Variants in TMEM163 observed in about 807,000 individuals in gnomAD.
TMEM163 encodes transmembrane protein 163.
A neutral mutation model predicts 29.3 loss-of-function variants in TMEM163; 17 were observed. That is an observed-to-expected ratio of 0.58 (90% confidence interval 0.40 to 0.87). The LOEUF is 0.87. Among genes scored for constraint, TMEM163 ranks in the 40% least tolerant of loss-of-function variants. TMEM163 has a pLI of 0.00. For missense variants in TMEM163, 303 were observed against 381.5 expected (o/e 0.79, Z 1.71); for synonymous variants, 157 against 160.6 (o/e 0.98, Z 0.17).
intron 5 of TMEM163, chr2:134,469,677 G>C (rs1208841804): frequency 1.3e-5 from 2 of 152,314 alleles, no homozygotes; most frequent in African/African-American, 4.8e-5. Context: ...GAGAGGGGCC[G>C]CACCGAGCCC....
At chr2:134,638,050 A>G (rs1483591170) in intron 2 of TMEM163, among the ~76,000 whole-genome samples, 1 of 152,360 alleles carries the variant, frequency 6.6e-6, no homozygotes, top group African/African-American at 2.4e-5. Context: ...TTTGATGAAT[A>G]TTCATCCTGT....
chr2:134,558,129 G>A (rs917129600), intron 2 of TMEM163, among the ~76,000 whole-genome samples: 1 of 152,072 alleles, frequency 6.6e-6, no homozygotes, highest in African/African-American at 2.4e-5. Flanking sequence ...CTAACAGGGC[G>A]GCATATGACT....
intron 5 of TMEM163, among the ~76,000 whole-genome samples, chr2:134,487,413 G>C (rs1041561370): frequency 2.6e-5 from 4 of 152,064 alleles, no homozygotes; most frequent in Non-Finnish European, 5.9e-5. Flanking sequence ...GGACATAAAA[G>C]AAAACCTTAA....
intron 2 of TMEM163, among the ~76,000 whole-genome samples, chr2:134,675,624 AT>A (rs1242747367): frequency 6.6e-6 from 1 of 152,202 alleles, no homozygotes; most frequent in Non-Finnish European, 1.5e-5. Context: ...CTAAGCCTAA[AT>A]CAGATTGAAT....
intron 2 of TMEM163, among the ~76,000 whole-genome samples, chr2:134,622,330 C>T (rs1025649421): frequency 9.8e-5 from 15 of 152,332 alleles, no homozygotes; most frequent in Admixed American, 3.9e-4. Context: ...AATATGTTTG[C>T]TGCCCATCTC....
chr2:134,547,172 A>C (rs1180139717), intron 4 of TMEM163, among the ~76,000 whole-genome samples: 1 of 152,210 alleles, frequency 6.6e-6, no homozygotes, highest in East Asian at 1.9e-4. Context: ...CACTTAGGCT[A>C]ATGCATTTTA....
chr2:134,626,085 C>T (rs1335559221), intron 2 of TMEM163, among the ~76,000 whole-genome samples: 4 of 133,432 alleles, frequency 3.0e-5, no homozygotes, highest in Admixed American at 7.6e-5. Context: ...GTTTCCTCTA[C>T]TTTTCCAGCT....
intron 2 of TMEM163, among the ~76,000 whole-genome samples, chr2:134,645,030 C>T (rs1683303695): frequency 6.6e-6 from 1 of 152,242 alleles, no homozygotes; most frequent in East Asian, 1.9e-4. Flanking sequence ...GACATCATTA[C>T]CCATTAGGGA....
At chr2:134,606,681 C>A (rs539914774) in intron 2 of TMEM163, among the ~76,000 whole-genome samples, 2 of 152,258 alleles carry the variant, frequency 1.3e-5, no homozygotes, top group East Asian at 1.9e-4. Context: ...CTGTGGCAAC[C>A]GGCCAGTGGA....
chr2:134,605,156 G>A (rs1394160377), intron 2 of TMEM163, among the ~76,000 whole-genome samples: 1 of 149,106 alleles, frequency 6.7e-6, no homozygotes, highest in East Asian at 2.0e-4. Context: ...CAGCCTAGGC[G>A]ACAGAGTGAG....
At chr2:134,561,774 G>A (rs1368187741) in intron 2 of TMEM163, among the ~76,000 whole-genome samples, 1 of 152,164 alleles carries the variant, frequency 6.6e-6, no homozygotes, top group Non-Finnish European at 1.5e-5. Flanking sequence ...TTCATGTCCT[G>A]CAACCCACAC....
In TMEM163 at chr2:134,456,142, G is replaced by GTACTT. The variant is rs1558907501; in HGVS notation, c.*569_*573dup. 1 of 153,200 alleles carries GTACTT rather than the reference G, an allele frequency of 6.5e-6. No homozygotes were observed. Among genetic ancestry groups the GTACTT allele is most frequent in the Non-Finnish European group, 1.5e-5 (1 of 68,506 alleles). 9.5% of individuals were successfully genotyped at this position (153,200 alleles called of 1,614,324 possible). On this transcript the variant is annotated 3_prime_UTR_variant, in exon 8 of 8. Transcript: ENST00000281924. ...GCAAAGCTTATACGTGTATCACTAAGTACTTTAAAAAATAGAATGGTCTCC... is the reference window on the plus strand; with the variant it reads ...GCAAAGCTTATACGTGTATCACTAAGTACTTTACTTTAAAAAATAGAATGGTCTCC...
chr2:134,465,019 A>G (rs1480601280), intron 6 of TMEM163, among the ~76,000 whole-genome samples: 3 of 152,132 alleles, frequency 2.0e-5, no homozygotes, highest in African/African-American at 7.2e-5. Flanking sequence ...TTCACACACA[A>G]AAGAGCCTTG....
chr2:134,480,747 T>C (rs1174904038), intron 5 of TMEM163, among the ~76,000 whole-genome samples: 1 of 152,158 alleles, frequency 6.6e-6, no homozygotes, highest in Non-Finnish European at 1.5e-5. Context: ...AGAGGGGACC[T>C]GGGATTTGGC....
Position 134,552,103 on chromosome 2 carries a change from G to A in TMEM163, c.323-12C>T, listed in dbSNP as rs1680942508. On this transcript the variant is annotated splice_polypyrimidine_tract_variant and intron_variant, in intron 2 of 7. Coordinates refer to ENST00000281924, the MANE Select transcript of TMEM163 (RefSeq NM_030923.5). ...CATAACGGAGACAGCTAAAAAGAAAGAAAATATTATTCAGAATATTTTAAA... is the reference window on the plus strand; with the variant it reads ...CATAACGGAGACAGCTAAAAAGAAAAAAAATATTATTCAGAATATTTTAAA... 6.2e-7 allele frequency: 1 copy of A among 1,608,894 alleles called. No homozygotes were observed. Among genetic ancestry groups the A allele is most frequent in the Non-Finnish European group, 8.5e-7 (1 of 1,176,360 alleles).
intron 2 of TMEM163, among the ~76,000 whole-genome samples, chr2:134,595,808 C>G (rs529599150): frequency 6.6e-6 from 1 of 152,334 alleles, no homozygotes; most frequent in African/African-American, 2.4e-5. Flanking sequence ...GACTGCCATT[C>G]TAACTGGTGT....
intron 4 of TMEM163, among the ~76,000 whole-genome samples, chr2:134,529,079 C>T (rs1680357861): frequency 6.6e-6 from 1 of 152,190 alleles, no homozygotes; most frequent in Non-Finnish European, 1.5e-5. Context: ...CACCTGTAAT[C>T]CCAGCATTTG....
chr2:134,541,414 C>T (rs1214852212), intron 4 of TMEM163, among the ~76,000 whole-genome samples: 5 of 152,192 alleles, frequency 3.3e-5, no homozygotes, highest in African/African-American at 9.7e-5. Flanking sequence ...GAGCACGGCT[C>T]GACACTGGTC....
chr2:134,467,316 G>A (rs571488860), intron 5 of TMEM163: 7 of 152,190 alleles, frequency 4.6e-5, no homozygotes, highest in African/African-American at 1.4e-4. Flanking sequence ...GGACTTAACA[G>A]ACTCAAATCT....
Sources: allele counts gnomAD v4.1 joint callset (sites outside exome capture counted in the v4.1 genomes callset), GRCh38; gene constraint gnomAD v4.1.1; transcripts MANE v1.5; gene names NCBI Gene and HGNC (gene_info 2026-07-23, HGNC 2026-07-21).